PLGRKT: variants seen among roughly 807,000 people sequenced by gnomAD.
PLGRKT encodes the protein plasminogen receptor with a C-terminal lysine.
PLGRKT carries 22 observed loss-of-function variants against 18.5 expected under a neutral mutation model. The ratio of observed to expected loss-of-function variants is 1.19; its 90% CI spans 0.85 to 1.70. The LOEUF is 1.70. Among genes scored for constraint, PLGRKT ranks in the 40% most tolerant of loss-of-function variants. PLGRKT has a pLI of 0.00. For missense variants in PLGRKT, 235 were observed against 174.4 expected (o/e 1.35, Z -1.96); for synonymous variants, 72 against 52.8 (o/e 1.36, Z -1.58).
chr9:5,391,400 C>T (rs980606335), intron 3 of PLGRKT, among the ~76,000 whole-genome samples: 3 of 151,872 alleles, frequency 2.0e-5, no homozygotes, highest in African/African-American at 4.9e-5. Flanking sequence ...CCTAGATTAT[C>T]GCAATATTTC....
intron 3 of PLGRKT, among the ~76,000 whole-genome samples, chr9:5,428,479 C>A (rs1818744780): frequency 6.6e-6 from 1 of 152,122 alleles, no homozygotes; most frequent in Non-Finnish European, 1.5e-5. Flanking sequence ...TGCAGTGGCT[C>A]CAGCAAAGGC....
At chr9:5,433,370 C>A (rs1563793816) in intron 2 of PLGRKT, among the ~76,000 whole-genome samples, 1 of 146,350 alleles carries the variant, frequency 6.8e-6, no homozygotes. Flanking sequence ...AGGAGCATCT[C>A]TGCCTGACCG....
At chr9:5,409,798 T>G (rs986802282) in intron 3 of PLGRKT, among the ~76,000 whole-genome samples, 3 of 152,240 alleles carry the variant, frequency 2.0e-5, no homozygotes, top group Admixed American at 2.0e-4. Context: ...ATGGGGCCTG[T>G]AGCCCCTTTA....
At chr9:5,405,939 G>C (rs1053726111) in intron 3 of PLGRKT, among the ~76,000 whole-genome samples, 1 of 152,018 alleles carries the variant, frequency 6.6e-6, no homozygotes, top group African/African-American at 2.4e-5. Context: ...CCATCAAAAA[G>C]TGGGCAAAGG....
At chr9:5,424,449 A>AT in intron 3 of PLGRKT, among the ~76,000 whole-genome samples, 1 of 109,668 alleles carries the variant, frequency 9.1e-6, no homozygotes, top group South Asian at 2.5e-4. Context: ...AATATATTAT[A>AT]TATTATAACA....
At chr9:5,378,492 A>C (rs1338548530) in intron 3 of PLGRKT, among the ~76,000 whole-genome samples, 3 of 152,220 alleles carry the variant, frequency 2.0e-5, no homozygotes. Context: ...GATAAACCAG[A>C]AGTAAAAAGA....
intron 3 of PLGRKT, among the ~76,000 whole-genome samples, chr9:5,402,313 G>A (rs1013591068): frequency 2.0e-5 from 3 of 151,858 alleles, no homozygotes; most frequent in Non-Finnish European, 2.9e-5. Flanking sequence ...TAACCTCAAG[G>A]GATGAAAAGG....
chr9:5,428,739 C>A (rs999671833), intron 3 of PLGRKT, among the ~76,000 whole-genome samples: 4 of 152,200 alleles, frequency 2.6e-5, no homozygotes, highest in African/African-American at 9.7e-5. Context: ...GCTCTGTCAA[C>A]CAGGCTGGAG....
intron 3 of PLGRKT, among the ~76,000 whole-genome samples, chr9:5,411,125 T>G (rs1213895831): frequency 6.6e-6 from 1 of 152,076 alleles, no homozygotes; most frequent in East Asian, 1.9e-4. Context: ...GACTCACGCC[T>G]GTAATCCCAA....
intron 3 of PLGRKT, among the ~76,000 whole-genome samples, chr9:5,417,484 T>C (rs1053215895): frequency 2.6e-5 from 4 of 151,868 alleles, no homozygotes; most frequent in South Asian, 4.1e-4. Context: ...ATGGTTTCTC[T>C]GATATGACAC....
intron 3 of PLGRKT, among the ~76,000 whole-genome samples, chr9:5,365,990 T>C (rs1223042841): frequency 1.3e-5 from 2 of 152,154 alleles, no homozygotes; most frequent in African/African-American, 4.8e-5. Flanking sequence ...AAAAATTCCA[T>C]GCAGACTCTC....
chr9:5,359,064 A>T (rs1005612739), intron 5 of PLGRKT, among the ~76,000 whole-genome samples: 61 of 142,926 alleles, frequency 4.3e-4, no homozygotes, highest in Admixed American at 1.7e-3. Flanking sequence ...ACACTATTTT[A>T]TTTTTTTTTT....
At chr9:5,407,321 A>C (rs1818275965) in intron 3 of PLGRKT, among the ~76,000 whole-genome samples, 1 of 152,178 alleles carries the variant, frequency 6.6e-6, no homozygotes, top group Admixed American at 6.5e-5. Context: ...CATGAACTTA[A>C]ACTGACATCA....
chr9:5,419,928 T>C (rs1277976284), intron 3 of PLGRKT, among the ~76,000 whole-genome samples: 1 of 152,160 alleles, frequency 6.6e-6, no homozygotes, highest in Non-Finnish European at 1.5e-5. Context: ...ATAAGAATGT[T>C]CACAGCAGCA....
In PLGRKT at chr9:5,361,091, TA is replaced by T. The variant is rs1026068370; in HGVS notation, c.308del (p.Leu103Ter). 7.1e-6 allele frequency: 11 copies of T among 1,541,512 alleles called. No homozygotes were observed. The highest frequency in any genetic ancestry group is 1.1e-5 in the South Asian group (1 of 88,728). ...YQYDLGYGTL[L>X]ERMKGEAEDI... ...CCAAAGACTTACCTTTCATTCTTTC[TA>T]AAAGGGTTCCATAGCCCAAGTCATA... On this transcript the variant is annotated frameshift_variant, in exon 5 of 6. Coordinates refer to ENST00000223864, the MANE Select transcript of PLGRKT (RefSeq NM_018465.4). LOFTEE classifies it high-confidence loss of function.
intron 5 of PLGRKT, among the ~76,000 whole-genome samples, chr9:5,359,675 T>G (rs969641274): frequency 6.6e-6 from 1 of 152,214 alleles, no homozygotes; most frequent in African/African-American, 2.4e-5. Flanking sequence ...ATCTACATTT[T>G]CTAATGTGAT....
intron 3 of PLGRKT, among the ~76,000 whole-genome samples, chr9:5,399,630 T>A (rs1325205836): frequency 1.3e-5 from 2 of 151,882 alleles, no homozygotes; most frequent in Admixed American, 1.3e-4. Context: ...CCCTTACTTG[T>A]AAGTATACTA....
At chr9:5,374,735 T>A (rs1387234136) in intron 3 of PLGRKT, among the ~76,000 whole-genome samples, 1 of 152,212 alleles carries the variant, frequency 6.6e-6, no homozygotes, top group East Asian at 1.9e-4. Context: ...GATTTTAATA[T>A]AAAAACAAAA....
At chr9:5,359,139 T>C (rs13289514) in intron 5 of PLGRKT, among the ~76,000 whole-genome samples, 36,977 of 151,660 alleles carry the variant, frequency 0.24, 5,225 homozygotes, top group Non-Finnish European at 0.32. Context: ...CTCAGCTCAC[T>C]GCAGCCTCTG....
Sources: allele counts gnomAD v4.1 joint callset (sites outside exome capture counted in the v4.1 genomes callset), GRCh38; gene constraint gnomAD v4.1.1; transcripts MANE v1.5; gene names NCBI Gene and HGNC (gene_info 2026-07-23, HGNC 2026-07-21).